DOCK8: variants seen among roughly 807,000 people sequenced by gnomAD.
The protein encoded by DOCK8 is dedicator of cytokinesis protein 8.
In DOCK8, 141 loss-of-function variants were observed where a neutral mutation model predicts 245.6. That is an observed-to-expected ratio of 0.57 (90% CI 0.50 to 0.66). The LOEUF is 0.66. Among genes scored for constraint, DOCK8 ranks in the 30% least tolerant of loss-of-function variants. The probability of loss-of-function intolerance (pLI) is 0.00; values close to 1 mark genes in which losing one functional copy is unlikely to be tolerated. For missense variants in DOCK8, 2,965 were observed against 2,603.4 expected (o/e 1.14, Z -3.02); for synonymous variants, 1,168 against 970.2 (o/e 1.20, Z -3.79).
intron 24 of DOCK8, among the ~76,000 whole-genome samples, chr9:395,665 A>G (rs984805035): frequency 2.6e-5 from 4 of 151,896 alleles, no homozygotes; most frequent in Non-Finnish European, 5.9e-5. Flanking sequence ...CATGTTCCTA[A>G]TAGTGTAAGC....
At chr9:327,965 T>A (rs2130824700) in intron 8 of DOCK8, 57 bp from the exon 9 acceptor site, 3 of 1,553,972 alleles carry the variant, frequency 1.9e-6, no homozygotes, top group South Asian at 2.2e-5. Context: ...TTTTAACATG[T>A]TTAAACCATG....
chr9:345,327 T>C (rs1461519285), intron 14 of DOCK8, among the ~76,000 whole-genome samples: 1 of 152,208 alleles, frequency 6.6e-6, no homozygotes, highest in African/African-American at 2.4e-5. Flanking sequence ...TATAAAAAGT[T>C]GATCTGCCTG....
At chr9:400,977 T>TCCACCATCAC in intron 26 of DOCK8, among the ~76,000 whole-genome samples, 1 of 65,852 alleles carries the variant, frequency 1.5e-5, no homozygotes, top group East Asian at 4.4e-4. Context: ...TCCTCCACCA[T>TCCACCATCAC]CACCACCTCC....
At chr9:254,936 A>C (rs58319563) in intron 1 of DOCK8, among the ~76,000 whole-genome samples, 4,882 of 152,272 alleles carry the variant, frequency 0.032, 242 homozygotes, top group African/African-American at 0.11. Context: ...GGCGCTCAGA[A>C]ATCTGCATGG....
chr9:231,115 C>T (rs1301708756), intron 1 of DOCK8, among the ~76,000 whole-genome samples: 1 of 152,160 alleles, frequency 6.6e-6, no homozygotes, highest in African/African-American at 2.4e-5. Flanking sequence ...CAGCTTTCTA[C>T]ATATGGCTAG....
At chr9:357,144 T>C (rs1194360453) in intron 14 of DOCK8, among the ~76,000 whole-genome samples, 4 of 152,198 alleles carry the variant, frequency 2.6e-5, no homozygotes, top group African/African-American at 7.2e-5. Flanking sequence ...GGGTCTGCTT[T>C]ATTTAGCAGA....
chr9:382,310 C>T (rs181258762), intron 21 of DOCK8, among the ~76,000 whole-genome samples: 1 of 152,166 alleles, frequency 6.6e-6, no homozygotes, highest in African/African-American at 2.4e-5. Flanking sequence ...ATGATCTCCA[C>T]CACTCCCTGG....
chr9:402,158 T>C (rs2055142128), intron 26 of DOCK8, among the ~76,000 whole-genome samples: 1 of 152,236 alleles, frequency 6.6e-6, no homozygotes, highest in South Asian at 2.1e-4. Flanking sequence ...CAACCCAAGG[T>C]AGATATCTGC....
chr9:463,375 G>C, intron 46 of DOCK8, 142 bp from the exon 47 acceptor site: 4 of 907,740 alleles, frequency 4.4e-6, no homozygotes, highest in Non-Finnish European at 6.7e-6. Context: ...ATTTTGAAAA[G>C]CTCCACAGGT....
intron 14 of DOCK8, among the ~76,000 whole-genome samples, chr9:344,912 C>T (rs1470154484): frequency 1.3e-5 from 2 of 151,966 alleles, no homozygotes; most frequent in Admixed American, 1.3e-4. Flanking sequence ...AGTAACTGGG[C>T]GTGGTGGTGG....
At chr9:359,588 A>C (rs1474462196) in intron 14 of DOCK8, among the ~76,000 whole-genome samples, 1 of 152,208 alleles carries the variant, frequency 6.6e-6, no homozygotes, top group Non-Finnish European at 1.5e-5. Context: ...TTTCCTTCTG[A>C]ATCCTTGAAT....
At chr9:400,898 C>CCACCATCACCACCATCACCT (rs2054995259) in intron 26 of DOCK8, among the ~76,000 whole-genome samples, 1 of 43,200 alleles carries the variant, frequency 2.3e-5, no homozygotes, top group Admixed American at 2.4e-4. Context: ...CACCACCTCC[C>CCACCATCACCACCATCACCT]CCACTACCAA....
intron 1 of DOCK8, among the ~76,000 whole-genome samples, chr9:240,076 T>C (rs1329074993): frequency 6.6e-6 from 1 of 152,224 alleles, no homozygotes; most frequent in East Asian, 1.9e-4. Flanking sequence ...AGGTCTCCAT[T>C]GATATGTGTG....
intron 39 of DOCK8, 105 bp downstream of exon 39, chr9:435,080 A>G (rs1443792947): frequency 2.9e-6 from 4 of 1,388,432 alleles, no homozygotes; most frequent in Admixed American, 2.0e-5. Context: ...ATTTTTGGTT[A>G]TCACAACTGG....
chr9:261,262 T>C (rs76275979), intron 1 of DOCK8, among the ~76,000 whole-genome samples: 20,237 of 152,240 alleles, frequency 0.13, 1,728 homozygotes, highest in East Asian at 0.4. Context: ...TATATAACTA[T>C]GTCTAAATAT....
At chr9:368,505 CTG>C in intron 15 of DOCK8, 4 of 577,978 alleles carry the variant, frequency 6.9e-6, no homozygotes, top group Admixed American at 3.0e-5. Flanking sequence ...ACTGTACACA[CTG>C]TGTTATACAC....
At chr9:436,569 A>ATTGCAT (rs1050309107) in intron 39 of DOCK8, among the ~76,000 whole-genome samples, 2 of 152,166 alleles carry the variant, frequency 1.3e-5, no homozygotes, top group Non-Finnish European at 2.9e-5. Context: ...TTAAATATCA[A>ATTGCAT]TTGCATTTCA....
chr9:350,186 C>CAA (rs2052092054), intron 14 of DOCK8, among the ~76,000 whole-genome samples: 1 of 152,184 alleles, frequency 6.6e-6, no homozygotes, highest in South Asian at 2.1e-4. Flanking sequence ...GATTCTAGCT[C>CAA]ACTGCAGCCT....
upstream of DOCK8, chr9:213,234 G>C (rs1422578140): frequency 6.6e-6 from 1 of 152,122 alleles, no homozygotes; most frequent in Admixed American, 6.5e-5. Context: ...TGGGGGGCGG[G>C]GAGTTACCTA....
Sources: gnomAD v4.1 joint callset for allele counts (sites outside exome capture counted in the v4.1 genomes callset) on GRCh38, gnomAD v4.1.1 for gene constraint, MANE v1.5 for transcripts, NCBI Gene and HGNC (gene_info 2026-07-23, HGNC 2026-07-21) for gene names.